The following VCPIP1 variants were observed in gnomAD, a reference collection of about 807,000 sequenced individuals.
VCPIP1 encodes valosin containing protein interacting protein 1, also known as deubiquitinating protein VCPIP1.
Under a neutral mutation model 85.0 loss-of-function variants are expected in VCPIP1, and 8 were observed. The ratio of observed to expected loss-of-function variants is 0.09; its 90% CI spans 0.06 to 0.17. The LOEUF (loss-of-function observed/expected upper bound fraction) is 0.17, where lower values mean the gene tolerates loss of function less well. Ranked by LOEUF, VCPIP1 falls within the 10% of genes least tolerant of loss-of-function variation. The pLI, the probability that VCPIP1 is intolerant of heterozygous loss-of-function variation, is 1.00. For missense variants in VCPIP1, 1,070 were observed against 1,486.3 expected (o/e 0.72, Z 4.61); for synonymous variants, 543 against 544.5 (o/e 1.00, Z 0.04).
chr8:66,645,607 A>G (rs1810987437), intron 2 of VCPIP1, among the ~76,000 whole-genome samples: 1 of 152,046 alleles, frequency 6.6e-6, no homozygotes, highest in Non-Finnish European at 1.5e-5. Context: ...GATGAGAGAT[A>G]TTAAAGACTT....
Position 66,630,542 on chromosome 8 carries a change from T to C in VCPIP1, c.*3959A>G, listed in dbSNP as rs555778005. On this transcript the variant is annotated 3_prime_UTR_variant, in exon 3 of 3. Coordinates refer to ENST00000310421, the MANE Select transcript of VCPIP1 (RefSeq NM_025054.5). ...CCTTAAAAATTTAAAAACTAAGTAATTGATACTCACAAGCAGGTAACATCA... is the reference window on the plus strand; with the variant it reads ...CCTTAAAAATTTAAAAACTAAGTAACTGATACTCACAAGCAGGTAACATCA... 6.5e-6 allele frequency: 1 copy of C among 152,722 alleles called. No individual in the cohort carries two copies. The highest frequency in any genetic ancestry group is 2.1e-4 in the South Asian group (1 of 4,834). 9.5% of individuals were successfully genotyped at this position (152,722 alleles called of 1,614,324 possible).
At chr8:66,663,407 C>A (rs947847362) in intron 1 of VCPIP1, among the ~76,000 whole-genome samples, 1 of 152,138 alleles carries the variant, frequency 6.6e-6, no homozygotes, top group East Asian at 1.9e-4. Flanking sequence ...CAGTAACTAA[C>A]ACATTTAAAT....
chr8:66,630,148 G>A lies in VCPIP1; in HGVS notation c.*4353C>T, dbSNP rs945934356. 3.3e-5 allele frequency: 5 copies of A among 152,060 alleles called. No individual in the cohort carries two copies. Among genetic ancestry groups the A allele is most frequent in the African/African-American group, 1.2e-4 (5 of 41,382 alleles). The allele number at this position is 152,060 out of a possible 1,614,324, so 9.4% of individuals were successfully genotyped here. ...AAAACTTCAAATACTGTACAGTAAG[G>A]TGTGCTGTAGAACACTATAATACAC... On this transcript the variant is annotated 3_prime_UTR_variant, in exon 3 of 3. Coordinates refer to ENST00000310421, the MANE Select transcript of VCPIP1 (RefSeq NM_025054.5).
rs1482737044 is a variant in VCPIP1, at chr8:66,632,573, ATC to A, written c.*1926_*1927del. 2.7e-4 allele frequency: 41 copies of A among 152,270 alleles called. No homozygotes were observed. Among genetic ancestry groups the A allele is most frequent in the African/African-American group, 9.6e-4 (40 of 41,590 alleles). 9.4% of individuals were successfully genotyped at this position (152,270 alleles called of 1,614,324 possible). A position where few individuals can be genotyped will look rare whatever the true frequency, so the allele number is the denominator to read the frequency against. ...GTATTTTATGTTAATGCTATGAGAT[ATC>A]TGTCAGTTATCAATGAAGAAAATAT... On this transcript the variant is annotated 3_prime_UTR_variant, in exon 3 of 3. Coordinates refer to ENST00000310421, the MANE Select transcript of VCPIP1 (RefSeq NM_025054.5).
intron 2 of VCPIP1, among the ~76,000 whole-genome samples, chr8:66,638,970 C>CTCTCTCTCTCTATATATATATATA: frequency 1.7e-5 from 2 of 118,440 alleles, no homozygotes; most frequent in Admixed American, 8.5e-5. Flanking sequence ...CTCTCTCTCT[C>CTCTCTCTCTCTATATATATATATA]TATATATATA....
rs1233356211 is a variant in VCPIP1, at chr8:66,647,126, A to C, written c.2797+4332T>G. Among the ~76,000 whole-genome samples, 4 of 152,296 alleles carry C rather than the reference A, an allele frequency of 2.6e-5. No individual in the cohort carries two copies. In the East Asian group the frequency reaches 7.7e-4, roughly 29 times the overall value. ...GGGAGGCCAAGGCGGATGGACCACAAGGTCAGGAGTTCAAGACCAGCCTAG... is the reference window on the plus strand; with the variant it reads ...GGGAGGCCAAGGCGGATGGACCACACGGTCAGGAGTTCAAGACCAGCCTAG... On this transcript the variant is annotated intron_variant, in intron 2 of 2. Transcript: ENST00000310421.
At chr8:66,635,689 A>C (rs1810878256) in intron 2 of VCPIP1, among the ~76,000 whole-genome samples, 1 of 151,970 alleles carries the variant, frequency 6.6e-6, no homozygotes, top group African/African-American at 2.4e-5. Flanking sequence ...AGGCAGGTGG[A>C]TCACCTGAGG....
chr8:66,645,356 T>G (rs1157279119), intron 2 of VCPIP1, among the ~76,000 whole-genome samples: 1 of 152,000 alleles, frequency 6.6e-6, no homozygotes, highest in East Asian at 1.9e-4. Flanking sequence ...AGGCAGAGGT[T>G]GTGGTGAGCT....
rs1037106498 is a variant in VCPIP1 at position 66,630,723 on chromosome 8, T to C, written c.*3778A>G. On this transcript the variant is annotated 3_prime_UTR_variant, in exon 3 of 3. Transcript: ENST00000310421. ...CTCCAATAATTCATAATTTTTACAA[T>C]TTCTGCTATTTTGGAACAAACATTA... The C allele has an allele frequency of 2.3e-4, 35 of 152,590 alleles. No homozygotes were observed. Among genetic ancestry groups the C allele is most frequent in the African/African-American group, 8.0e-4 (33 of 41,440 alleles). The allele number at this position is 152,590 out of a possible 1,614,324, so 9.5% of individuals were successfully genotyped here.
chr8:66,664,757 C>T lies in VCPIP1; in HGVS notation c.2202G>A (p.Lys734=). 1 of 1,612,916 alleles carries T rather than the reference C, an allele frequency of 6.2e-7. No homozygotes were observed. The highest frequency in any genetic ancestry group is 8.5e-7 in the Non-Finnish European group (1 of 1,179,676). ...GTTGCCCTTTTTGTTCTTGTTTTAA[C>T]TTCTCTGTTTTCCGTTTCTGCATTA... ...ASVMQKRKTE[K]LKQEQKGQPR... Residue 734 remains lysine (K), a synonymous_variant, in exon 1 of 3, where the codon AAG becomes AAA. Transcript: ENST00000310421.
chr8:66,656,848 G>A (rs867649720), intron 1 of VCPIP1, among the ~76,000 whole-genome samples: 2 of 147,036 alleles, frequency 1.4e-5, no homozygotes, highest in South Asian at 4.2e-4. Context: ...GACCTCAGGC[G>A]ATCCGCCCCC....
At chr8:66,651,251 C>T (rs1057203795) in intron 2 of VCPIP1, among the ~76,000 whole-genome samples, 1 of 147,124 alleles carries the variant, frequency 6.8e-6, no homozygotes, top group Non-Finnish European at 1.5e-5. Context: ...AGAATAGCAA[C>T]AAAGTGATAG....
intron 1 of VCPIP1, among the ~76,000 whole-genome samples, chr8:66,657,066 C>T (rs551998103): frequency 2.6e-5 from 4 of 151,730 alleles, no homozygotes; most frequent in African/African-American, 4.8e-5. Flanking sequence ...CCACCACTCC[C>T]GGCTAATTTT....
chr8:66,645,088 C>G lies in VCPIP1; in HGVS notation c.2797+6370G>C, dbSNP rs1810981453. 2.7e-5 allele frequency among the ~76,000 whole-genome samples: 4 copies of G among 148,114 alleles called. No individual in the cohort carries two copies. The Admixed American group carries it at 2.7e-4, about 10-fold the overall frequency. ...CTAAGATTGCGCCACTGCACTCCAG[C>G]CTGGGTGATGGAGTGAGACCCTGTA... On this transcript the variant is annotated intron_variant, in intron 2 of 2. Transcript: ENST00000310421.
intron 2 of VCPIP1, among the ~76,000 whole-genome samples, chr8:66,637,458 C>CTGAGGCGGGCGGAT (rs1554584066): frequency 7.5e-5 from 11 of 145,950 alleles, no homozygotes; most frequent in Admixed American, 1.4e-4. Flanking sequence ...CTTTGGGAGG[C>CTGAGGCGGGCGGAT]CTGGGCAACA....
Position 66,629,626 on chromosome 8 carries a change from T to G in VCPIP1, c.*4875A>C, listed in dbSNP as rs185491794. 1.3e-5 allele frequency: 2 copies of G among 152,336 alleles called. No homozygotes were observed. Among genetic ancestry groups the G allele is most frequent in the Admixed American group, 1.3e-4 (2 of 15,298 alleles). The allele number at this position is 152,336 out of a possible 1,614,324, so 9.4% of individuals were successfully genotyped here. A position where few individuals can be genotyped will look rare whatever the true frequency, so the allele number is the denominator to read the frequency against. On this transcript the variant is annotated 3_prime_UTR_variant, in exon 3 of 3. Transcript: ENST00000310421. ...ACTTAAAGAGGCAGAGGAGGGCAGA[T>G]CACTTGAGCTCAGGGGTTCAAGACC...
At chr8:66,650,441 T>C (rs1033696689) in intron 2 of VCPIP1, among the ~76,000 whole-genome samples, 1 of 152,088 alleles carries the variant, frequency 6.6e-6, no homozygotes, top group African/African-American at 2.4e-5. Flanking sequence ...GCCGAAAGCA[T>C]TAACATAAAA....
At chr8:66,641,460 C>T (rs1810947368) in intron 2 of VCPIP1, among the ~76,000 whole-genome samples, 1 of 152,046 alleles carries the variant, frequency 6.6e-6, no homozygotes, top group Non-Finnish European at 1.5e-5. Flanking sequence ...GATCTGGGTT[C>T]AACAGATCCT....
intron 1 of VCPIP1, among the ~76,000 whole-genome samples, chr8:66,651,811 A>C (rs1811056423): frequency 6.6e-6 from 1 of 152,112 alleles, no homozygotes. Flanking sequence ...TTTTCAAGAG[A>C]AGCCCAAAAT....
Sources: gnomAD v4.1 joint callset for allele counts (sites outside exome capture counted in the v4.1 genomes callset) on GRCh38, gnomAD v4.1.1 for gene constraint, MANE v1.5 for transcripts, NCBI Gene and HGNC (gene_info 2026-07-23, HGNC 2026-07-21) for gene names.